Variants in TULP4 observed in about 807,000 individuals in gnomAD.
TULP4 encodes the protein TUB like protein 4, also known as tubby-related protein 4.
Under a neutral mutation model 129.0 loss-of-function variants are expected in TULP4, and 16 were observed. That is an observed-to-expected ratio of 0.12 (90% confidence interval 0.08 to 0.19). The LOEUF (loss-of-function observed/expected upper bound fraction) is 0.19. TULP4 is among the 10% of genes least tolerant of loss of function. TULP4 has a pLI of 1.00. For missense variants in TULP4, 1,842 were observed against 2,059.1 expected, an observed-to-expected ratio of 0.89 and a Z score of 2.04; for synonymous variants, 998 against 854.0, an observed-to-expected ratio of 1.17 and a Z score of -2.94.
At chr6:158,319,265 A>G (rs920254290) in intron 1 of TULP4, among the ~76,000 whole-genome samples, 1 of 152,186 alleles carries the variant, frequency 6.6e-6, no homozygotes, top group African/African-American at 2.4e-5. Flanking sequence ...AGATTTAAAA[A>G]ATTCTGAATT....
chr6:158,358,644 T>C (rs937957552), intron 1 of TULP4, among the ~76,000 whole-genome samples: 3 of 152,200 alleles, frequency 2.0e-5, no homozygotes, highest in East Asian at 3.8e-4. Flanking sequence ...AAAAGACATA[T>C]GAGAAACGGT....
At chr6:158,238,032 C>A in intron 1 of TULP4, 1 of 704,590 alleles carries the variant, frequency 1.4e-6, no homozygotes, top group Non-Finnish European at 2.6e-6. Flanking sequence ...GGTTTTGATA[C>A]CACCAGATAG....
intron 1 of TULP4, among the ~76,000 whole-genome samples, chr6:158,409,823 G>T (rs770283999): frequency 1.3e-5 from 2 of 151,990 alleles, no homozygotes; most frequent in African/African-American, 2.4e-5. Flanking sequence ...ATGGGACTAT[G>T]TTTCCATGTA....
chr6:158,502,981 C>A lies in TULP4; in HGVS notation c.3318C>A (p.His1106Gln), dbSNP rs1211422960. Residue 1106 changes from histidine to glutamine, a missense_variant, in exon 13 of 14, where the codon CAC (histidine) becomes CAA (glutamine). Transcript: ENST00000367097. ...QHCQLEKPLR[H>Q]PPLPEAAVTL... The stretch of plus-strand genomic sequence containing the variant: ...GTCAGCTTGAGAAGCCCTTGAGGCA[C>A]CCTCCCCTGCCTGAAGCTGCTGTCA... 1 of 1,613,972 alleles carries A rather than the reference C, an allele frequency of 6.2e-7. No individual in the cohort carries two copies.
rs556185002 is a variant in TULP4 at position 158,509,691 on chromosome 6, C to G, written c.*2997C>G. The G allele has an allele frequency of 1.3e-5, 2 of 152,220 alleles. No homozygotes were observed. Among genetic ancestry groups the G allele is most frequent in the Non-Finnish European group, 2.9e-5 (2 of 68,050 alleles). The allele number at this position is 152,220 out of a possible 1,614,324, so 9.4% of individuals were successfully genotyped here. On this transcript the variant is annotated 3_prime_UTR_variant, in exon 14 of 14. Coordinates refer to ENST00000367097, the MANE Select transcript of TULP4 (RefSeq NM_020245.5). ...GCTTCTGTCTCGGATGTTTGGCGCA[C>G]GTGAGTTTGTATGAGTTTGTACCGG...
chr6:158,253,347 G>A (rs1778179519), intron 1 of TULP4, among the ~76,000 whole-genome samples: 1 of 152,174 alleles, frequency 6.6e-6, no homozygotes, highest in Admixed American at 6.5e-5. Flanking sequence ...ATAAACACGT[G>A]TCTTACTCTT....
intron 1 of TULP4, among the ~76,000 whole-genome samples, chr6:158,335,274 CAAA>C (rs61418142): frequency 1.7e-4 from 21 of 121,546 alleles, no homozygotes; most frequent in South Asian, 5.6e-4. Context: ...GAGACTGTCT[CAAA>C]AAAAAAAAAA....
intron 1 of TULP4, among the ~76,000 whole-genome samples, chr6:158,257,819 C>G (rs1295542061): frequency 6.6e-6 from 1 of 152,212 alleles, no homozygotes; most frequent in Non-Finnish European, 1.5e-5. Flanking sequence ...AAATAGAGAA[C>G]AACTCATTTC....
intron 1 of TULP4, chr6:158,237,443 A>G: frequency 5.7e-6 from 9 of 1,566,614 alleles, no homozygotes; most frequent in Non-Finnish European, 7.9e-6. Flanking sequence ...TTACTTGTAG[A>G]GGCAGATAGT....
At chr6:158,359,577 T>C (rs1780721565) in intron 1 of TULP4, among the ~76,000 whole-genome samples, 1 of 152,100 alleles carries the variant, frequency 6.6e-6, no homozygotes, top group Admixed American at 6.5e-5. Flanking sequence ...TCCACGTTCT[T>C]CTGCCTGCTT....
At chr6:158,275,796 C>T (rs1778635849) in intron 1 of TULP4, among the ~76,000 whole-genome samples, 1 of 152,116 alleles carries the variant, frequency 6.6e-6, no homozygotes, top group Non-Finnish European at 1.5e-5. Flanking sequence ...TGTAGTTCTG[C>T]TGTGGAGGAC....
chr6:158,493,915 G>C lies in TULP4; in HGVS notation c.1776+198G>C, dbSNP rs1226214244. Among the ~76,000 whole-genome samples the C allele has an allele frequency of 6.6e-6, 1 of 152,128 alleles. No homozygotes were observed. The highest frequency in any genetic ancestry group is 1.5e-5 in the Non-Finnish European group (1 of 68,014). ...CTTCTCCACCTGTGCCCCTCAGCCA[G>C]TTCTGATCTTGCAGTGACGGTGGGA... On this transcript the variant is annotated intron_variant, in intron 10 of 13. Coordinates refer to ENST00000367097, the MANE Select transcript of TULP4 (RefSeq NM_020245.5). This position sits in a 1 kb window ranked among gnomAD's most constrained non-coding sequence, Gnocchi z 4.4.
intron 1 of TULP4, among the ~76,000 whole-genome samples, chr6:158,365,096 T>G (rs1440241670): frequency 6.6e-6 from 1 of 151,902 alleles, no homozygotes; most frequent in Non-Finnish European, 1.5e-5. Context: ...GAATTGAGAT[T>G]CAAGTCTTCA....
chr6:158,443,949 G>T (rs923244509), intron 3 of TULP4, among the ~76,000 whole-genome samples: 46 of 152,064 alleles, frequency 3.0e-4, no homozygotes, highest in Non-Finnish European at 5.6e-4. Context: ...GCCGGGTGCG[G>T]TGGCTCACGC....
intron 1 of TULP4, among the ~76,000 whole-genome samples, chr6:158,335,239 T>A (rs984633746): frequency 6.8e-6 from 1 of 147,698 alleles, no homozygotes; most frequent in Non-Finnish European, 1.5e-5. Flanking sequence ...ATCATGCCAC[T>A]GCACTCCAGC....
Position 158,489,633 on chromosome 6 carries a change from G to A in TULP4, c.1532G>A (p.Cys511Tyr). 6.2e-7 allele frequency: 1 copy of A among 1,614,238 alleles called. No individual in the cohort carries two copies. ...NSLISTVIDS[C>Y]NCSDSSDIEL... ...TTGATTTCTACTGTGATCGACAGCTGCAACTGCTCAGACTCCAGTGACATT... is the reference window on the plus strand; with the variant it reads ...TTGATTTCTACTGTGATCGACAGCTACAACTGCTCAGACTCCAGTGACATT... Residue 511 changes from cysteine to tyrosine, a missense_variant, in exon 9 of 14, where the codon TGC becomes TAC. This residue lies in a region of TULP4 where 456 missense variants were observed against 534.3 expected (regional missense o/e 0.85). Coordinates refer to ENST00000367097, the MANE Select transcript of TULP4 (RefSeq NM_020245.5).
chr6:158,323,333 T>C (rs1464387849), intron 1 of TULP4, among the ~76,000 whole-genome samples: 1 of 152,360 alleles, frequency 6.6e-6, no homozygotes, highest in Non-Finnish European at 1.5e-5. Flanking sequence ...ATTTGACTTA[T>C]GCAGGTGCTC....
chr6:158,466,784 G>GA (rs1779561802), intron 6 of TULP4, among the ~76,000 whole-genome samples: 1 of 152,218 alleles, frequency 6.6e-6, no homozygotes, highest in African/African-American at 2.4e-5. Flanking sequence ...TGATGACACA[G>GA]AAATGCTTTT....
intron 1 of TULP4, among the ~76,000 whole-genome samples, chr6:158,384,126 G>GT (rs531735719): frequency 1.3e-5 from 2 of 151,954 alleles, no homozygotes; most frequent in Non-Finnish European, 2.9e-5. Flanking sequence ...GTAATATTTT[G>GT]TTTCTTTGCA....
Sources: gnomAD v4.1 joint callset for allele counts (sites outside exome capture counted in the v4.1 genomes callset) on GRCh38, gnomAD v4.1.1 for gene constraint, gnomAD v4.1.1 regional missense constraint, Gnocchi (gnomAD v3.1) non-coding constraint, MANE v1.5 for transcripts, NCBI Gene and HGNC (gene_info 2026-07-23, HGNC 2026-07-21) for gene names.